Variants in SLC4A9 observed in about 807,000 individuals in gnomAD.
SLC4A9 encodes solute carrier family 4 member 9.
Under a neutral mutation model 103.2 loss-of-function variants are expected in SLC4A9, and 102 were observed. That is an observed-to-expected ratio of 0.99 (90% confidence interval 0.84 to 1.17). The LOEUF (loss-of-function observed/expected upper bound fraction) is 1.17, where lower values mean the gene tolerates loss of function less well. SLC4A9 is among the 50% of genes most tolerant of loss of function. The probability of loss-of-function intolerance (pLI) is 0.00; values close to 1 mark genes in which losing one functional copy is unlikely to be tolerated. For synonymous variants in SLC4A9, 453 were observed against 483.6 expected (o/e 0.94, Z 0.83); for missense variants, 1,091 against 1,193.7 (o/e 0.91, Z 1.27).
intron 11 of SLC4A9, among the ~76,000 whole-genome samples, chr5:140,365,141 A>G (rs1767691189): frequency 6.6e-6 from 1 of 152,206 alleles, no homozygotes. Context: ...ATCCCTCCAC[A>G]TGGAAGGCAA....
Position 140,370,941 on chromosome 5 carries a change from C to T in SLC4A9, c.2428-154C>T, listed in dbSNP as rs1768620036. 5.0e-6 allele frequency: 3 copies of T among 598,790 alleles called. No homozygotes were observed. In the South Asian group the frequency reaches 6.7e-5, roughly 13 times the overall value. 37.1% of individuals were successfully genotyped at this position (598,790 alleles called of 1,614,324 possible). ...ACTTCATCTAATTGATTTGAGGATT[C>T]AATAAGATCGGCATGAAACATGTGA... is the stretch of plus-strand genomic sequence containing the variant. On this transcript the variant is annotated intron_variant, in intron 17 of 21. Coordinates refer to ENST00000506757, the MANE Select transcript of SLC4A9 (RefSeq NM_031467.3).
Position 140,367,492 on chromosome 5 carries a change from G to C in SLC4A9, c.2086G>C (p.Ala696Pro), listed in dbSNP as rs376952398. The stretch of plus-strand genomic sequence containing the variant: ...CCCCTGGTGGTGGAGTGTGGCAGCT[G>C]CCCTGCCTGCCCTGCTGCTGTCTAT... ...ANPWWWSVAA[A>P]LPALLLSILI... The change falls in exon 15 of 22, where the codon GCC becomes CCC. Residue 696 changes from alanine to proline, a missense_variant. Physicochemically the swap from Ala to Pro is conservative, Grantham distance 27 (BLOSUM62 -1). Coordinates refer to ENST00000506757, the MANE Select transcript of SLC4A9 (RefSeq NM_031467.3). 6.2e-7 allele frequency: 1 copy of C among 1,603,972 alleles called. No individual in the cohort carries two copies. The highest frequency in any genetic ancestry group is 8.5e-7 in the Non-Finnish European group (1 of 1,175,946).
At chr5:140,364,937 A>G (rs931804603) in intron 11 of SLC4A9, among the ~76,000 whole-genome samples, 3 of 152,252 alleles carry the variant, frequency 2.0e-5, no homozygotes, top group Non-Finnish European at 4.4e-5. Flanking sequence ...GTTTGAGACT[A>G]TCTTACCCCA....
chr5:140,364,649 T>C (rs753972946), intron 11 of SLC4A9, 24 bp downstream of exon 11: 2 of 1,591,816 alleles, frequency 1.3e-6, no homozygotes, highest in East Asian at 4.5e-5. Flanking sequence ...ACAGGGACCT[T>C]GGTCAGGTGA....
At chr5:140,360,664 AGGGGTGACTGCCAGGGTGGGG>A in intron 1 of SLC4A9, 127 bp from the exon 2 acceptor site, 1 of 1,322,836 alleles carries the variant, frequency 7.6e-7, no homozygotes, top group Non-Finnish European at 1.0e-6. Context: ...ACCCTAGATG[AGGGGTGACTGCCAGGGTGGGG>A]GGGAGACTTC....
intron 20 of SLC4A9, 91 bp from the exon 21 acceptor site, chr5:140,372,654 T>G (rs764039285): frequency 3.4e-6 from 5 of 1,450,886 alleles, no homozygotes; most frequent in Non-Finnish European, 4.5e-6. Flanking sequence ...CTGATCTTTG[T>G]TTTGTCTCAC....
chr5:140,368,270 C>A (rs888240988), intron 16 of SLC4A9, among the ~76,000 whole-genome samples: 27 of 152,316 alleles, frequency 1.8e-4, no homozygotes, highest in Middle Eastern at 6.8e-3. Flanking sequence ...TATATGAAAT[C>A]AACTTGATAA....
Position 140,364,167 on chromosome 5 carries a change from C to G in SLC4A9, c.1368C>G (p.Arg456=), listed in dbSNP as rs1767543338. The G allele has an allele frequency of 2.5e-6, 4 of 1,573,242 alleles. No homozygotes were observed. Among genetic ancestry groups the G allele is most frequent in the Admixed American group, 1.9e-5 (1 of 53,684 alleles). Residue 456 remains arginine (R), a synonymous_variant, in exon 10 of 22, where the codon CGC becomes CGG. Coordinates refer to ENST00000506757, the MANE Select transcript of SLC4A9 (RefSeq NM_031467.3). ...CGGGGCCAGTGCTGGTCTTTGAGCG[C>G]CTGCTCTTCTCTTTCAGCAGGTAGG... ...SSTGPVLVFE[R]LLFSFSRDYS... is the part of the protein sequence containing the mutation.
chr5:140,372,337 A>G lies in SLC4A9; in HGVS notation c.2766A>G (p.Arg922=). The part of the protein sequence containing the change: ...WLDELMPEEE[R]SIPEKGLEPE... ...ATGAGCTGATGCCAGAGGAGGAGAG[A>G]AGCATCCCTGAGAAGGGGCTGGAGC... The change falls in exon 20 of 22, where the codon AGA becomes AGG. Residue 922 remains arginine (R), a synonymous_variant. Coordinates refer to ENST00000506757, the MANE Select transcript of SLC4A9 (RefSeq NM_031467.3). 1 of 1,609,792 alleles carries G rather than the reference A, an allele frequency of 6.2e-7. No homozygotes were observed. The highest frequency in any genetic ancestry group is 8.5e-7 in the Non-Finnish European group (1 of 1,178,842).
chr5:140,363,715 C>T lies in SLC4A9; in HGVS notation c.1080-13C>T, dbSNP rs373453788. On this transcript the variant is annotated splice_polypyrimidine_tract_variant and intron_variant, in intron 8 of 21. Transcript: ENST00000506757. The surrounding 1 kb of genome is among the most constrained non-coding windows in gnomAD (Gnocchi z 4.5). ...TGTGAAAACCTGGATCACTGACGAC[C>T]CTCGGGCGGGAGGCTGTTTGGGGGC... 6.2e-7 allele frequency: 1 copy of T among 1,612,980 alleles called. No individual in the cohort carries two copies. The highest frequency in any genetic ancestry group is 2.2e-5 in the East Asian group (1 of 44,860).
chr5:140,360,597 G>A, intron 1 of SLC4A9, 131 bp downstream of exon 1: 1 of 1,133,078 alleles, frequency 8.8e-7, no homozygotes, highest in East Asian at 2.6e-5. Context: ...CTTATTTCAG[G>A]GTCTTACCTT....
At position 140,363,358 on chromosome 5, in the gene SLC4A9, G is replaced by A; in HGVS notation, c.963-81G>A. ...GGCAGAGACAAGAGCAGCCGCTAGG[G>A]GGCAGGGCGCCACGAGCTCTGGACC... On this transcript the variant is annotated intron_variant, in intron 7 of 21. Transcript: ENST00000506757. The surrounding 1 kb of genome is among the most constrained non-coding windows in gnomAD (Gnocchi z 4.5). 2 of 1,309,744 alleles carry A rather than the reference G, an allele frequency of 1.5e-6. No homozygotes were observed. The highest frequency in any genetic ancestry group is 2.1e-6 in the Non-Finnish European group (2 of 940,386). 81.1% of individuals were successfully genotyped at this position (1,309,744 alleles called of 1,614,324 possible).
chr5:140,368,734 G>A, intron 17 of SLC4A9, 75 bp downstream of exon 17: 1 of 1,287,378 alleles, frequency 7.8e-7, no homozygotes, highest in Non-Finnish European at 1.1e-6. Context: ...GACAGTAGTT[G>A]AATACTTACA....
Position 140,367,908 on chromosome 5 carries a change from G to GTAT in SLC4A9, c.2354+12_2354+14dup. On this transcript the variant is annotated intron_variant, in intron 16 of 21. Transcript: ENST00000506757. ...ACTTCCTGGGTATCAGGTGAGGGCG[G>GTAT]TATTTAGGAAGTGGAGTAAGAGGTG... is the stretch of plus-strand genomic sequence containing the variant. 6.2e-7 allele frequency: 1 copy of GTAT among 1,613,232 alleles called. No individual in the cohort carries two copies. The highest frequency in any genetic ancestry group is 1.1e-5 in the South Asian group (1 of 90,992).
At chr5:140,367,959 C>T in intron 16 of SLC4A9, 61 bp downstream of exon 16, 1 of 1,564,982 alleles carries the variant, frequency 6.4e-7, no homozygotes, top group Non-Finnish European at 8.8e-7. Context: ...CAAAGGGGAA[C>T]ATGGCAGAGT....
At chr5:140,364,832 T>G (rs542908479) in intron 11 of SLC4A9, among the ~76,000 whole-genome samples, 2 of 152,352 alleles carry the variant, frequency 1.3e-5, no homozygotes, top group African/African-American at 4.8e-5. Context: ...CTGACAACAC[T>G]GATAAAGGAA....
intron 19 of SLC4A9, 32 bp from the exon 20 acceptor site, chr5:140,372,210 G>C: frequency 6.6e-7 from 1 of 1,515,140 alleles, no homozygotes; most frequent in Non-Finnish European, 8.8e-7. Flanking sequence ...TACTGTTGCT[G>C]ACAGGCCTGG....
Position 140,366,256 on chromosome 5 carries a change from G to A in SLC4A9, c.2005G>A (p.Glu669Lys), listed in dbSNP as rs951948134. Residue 669 changes from glutamate to lysine, a missense_variant, in exon 14 of 22, where the codon GAG becomes AAG. Physicochemically the swap from Glu to Lys is moderately conservative, Grantham distance 56 (BLOSUM62 1). Coordinates refer to ENST00000506757, the MANE Select transcript of SLC4A9 (RefSeq NM_031467.3). ...CACACCAAAGCTCATGGTACCCAGA[G>A]AGTTCAAGGTGAGAGCCAGGGAAGA... ...LATPKLMVPR[E>K]FKPTLPGRGW... is the part of the protein sequence containing the mutation. The A allele has an allele frequency of 2.5e-6, 4 of 1,591,080 alleles. No homozygotes were observed. In the African/African-American group the frequency reaches 5.4e-5, roughly 21 times the overall value.
Position 140,364,137 on chromosome 5 carries a change from C to G in SLC4A9, c.1338C>G (p.Ser446Arg), listed in dbSNP as rs747151542. The change falls in exon 10 of 22, where the codon AGC (serine) becomes AGG (arginine). Residue 446 changes from serine (S) to arginine (R), a missense_variant. Physicochemically the swap from Ser to Arg is moderately radical, Grantham distance 110. Coordinates refer to ENST00000506757, the MANE Select transcript of SLC4A9 (RefSeq NM_031467.3). Reference sequence around the variant, plus strand: ...CAGGCCAGCCCCTCACCATTCTGAGCAGCACGGGGCCAGTGCTGGTCTTTG... The same window carrying G: ...CAGGCCAGCCCCTCACCATTCTGAGGAGCACGGGGCCAGTGCTGGTCTTTG... ...LMAGQPLTIL[S>R]STGPVLVFER... The G allele has an allele frequency of 3.8e-6, 6 of 1,593,762 alleles. No individual in the cohort carries two copies. The highest frequency in any genetic ancestry group is 1.7e-6 in the Non-Finnish European group (2 of 1,169,518).
Sources: allele counts gnomAD v4.1 joint callset (sites outside exome capture counted in the v4.1 genomes callset), GRCh38; gene constraint gnomAD v4.1.1; non-coding constraint Gnocchi (gnomAD v3.1); transcripts MANE v1.5; gene names NCBI Gene and HGNC (gene_info 2026-07-23, HGNC 2026-07-21).